TCF7L1: variants seen among roughly 807,000 people sequenced by gnomAD.
TCF7L1 encodes the protein transcription factor 7 like 1.
A neutral mutation model predicts 63.7 loss-of-function variants in TCF7L1; 18 were observed. The ratio of observed to expected loss-of-function variants is 0.28; its 90% CI spans 0.20 to 0.42. TCF7L1 has a LOEUF of 0.42. Among genes scored for constraint, TCF7L1 ranks in the 10% least tolerant of loss-of-function variants. The probability of loss-of-function intolerance (pLI) is 1.00; values close to 1 mark genes in which losing one functional copy is unlikely to be tolerated. For missense variants in TCF7L1, 654 were observed against 779.3 expected (o/e 0.84, Z 1.91); for synonymous variants, 355 against 340.9 (o/e 1.04, Z -0.46).
chr2:85,207,736 A>G (rs1291993887), intron 3 of TCF7L1, among the ~76,000 whole-genome samples: 1 of 152,056 alleles, frequency 6.6e-6, no homozygotes, highest in Non-Finnish European at 1.5e-5. Context: ...CACGTTCAGT[A>G]GAAACCGTAC....
At chr2:85,246,635 G>A (rs1025454108) in intron 3 of TCF7L1, among the ~76,000 whole-genome samples, 5 of 152,226 alleles carry the variant, frequency 3.3e-5, no homozygotes, top group Admixed American at 6.5e-5. Flanking sequence ...GCCGTTGCTC[G>A]GTGGGGGAGG....
In TCF7L1 at chr2:85,306,074, G is replaced by A; in HGVS notation, c.990-132G>A. The A allele has an allele frequency of 9.8e-7, 1 of 1,025,236 alleles. No homozygotes were observed. Among genetic ancestry groups the A allele is most frequent in the Non-Finnish European group, 1.4e-6 (1 of 691,894 alleles). The allele number at this position is 1,025,236 out of a possible 1,614,324, so 63.5% of individuals were successfully genotyped here. ...TACTCAGGTGTTGAGTGCAGCCATG[G>A]GGCCACTTGAATTAGCATCCAGGCA... On this transcript the variant is annotated intron_variant, in intron 8 of 11. Transcript: ENST00000282111. This position sits in a 1 kb window ranked among gnomAD's most constrained non-coding sequence, Gnocchi z 4.3.
intron 3 of TCF7L1, among the ~76,000 whole-genome samples, chr2:85,282,010 T>C (rs1681431460): frequency 6.6e-6 from 1 of 152,020 alleles, no homozygotes; most frequent in Non-Finnish European, 1.5e-5. Context: ...TTTTTTGAGA[T>C]AAAGTCTCAC....
In TCF7L1 at chr2:85,306,019, G is replaced by A. The variant is rs553037900; in HGVS notation, c.990-187G>A. Among the ~76,000 whole-genome samples the A allele has an allele frequency of 1.3e-5, 2 of 152,062 alleles. No individual in the cohort carries two copies. Among genetic ancestry groups the A allele is most frequent in the South Asian group, 2.1e-4 (1 of 4,820 alleles). On this transcript the variant is annotated intron_variant, in intron 8 of 11. Transcript: ENST00000282111. This position sits in a 1 kb window ranked among gnomAD's most constrained non-coding sequence, Gnocchi z 4.3. Reference sequence around the variant, plus strand: ...TTTCAAAGAATCTGGCGTGGAGATCGTTCAAAGGTGGGAAACTACGGGAGG... The same window carrying A: ...TTTCAAAGAATCTGGCGTGGAGATCATTCAAAGGTGGGAAACTACGGGAGG...
intron 3 of TCF7L1, among the ~76,000 whole-genome samples, chr2:85,206,602 G>A (rs554616499): frequency 2.0e-5 from 3 of 152,206 alleles, no homozygotes; most frequent in African/African-American, 7.2e-5. Flanking sequence ...TTGAGAGTGG[G>A]GTTTGTGCTA....
intron 3 of TCF7L1, among the ~76,000 whole-genome samples, chr2:85,198,289 G>A (rs1679201097): frequency 6.6e-6 from 1 of 152,234 alleles, no homozygotes; most frequent in Non-Finnish European, 1.5e-5. Flanking sequence ...AGGGGAGCCA[G>A]GGAACTACAT....
chr2:85,167,644 A>T (rs1678449550), intron 3 of TCF7L1, among the ~76,000 whole-genome samples: 1 of 152,192 alleles, frequency 6.6e-6, no homozygotes, highest in African/African-American at 2.4e-5. Flanking sequence ...CAGGAAGATC[A>T]CTTGAGCCCA....
At chr2:85,247,451 A>G (rs1680492301) in intron 3 of TCF7L1, among the ~76,000 whole-genome samples, 1 of 152,136 alleles carries the variant, frequency 6.6e-6, no homozygotes, top group African/African-American at 2.4e-5. Context: ...TTCCAATGAG[A>G]CCTTTTGTTT....
At chr2:85,184,070 A>G (rs1390304805) in intron 3 of TCF7L1, among the ~76,000 whole-genome samples, 1 of 152,172 alleles carries the variant, frequency 6.6e-6, no homozygotes, top group East Asian at 1.9e-4. Context: ...TCCTCTTCTC[A>G]GTGGAGTGAG....
chr2:85,308,413 C>CT (rs1682176380), intron 11 of TCF7L1, among the ~76,000 whole-genome samples: 2 of 120,222 alleles, frequency 1.7e-5, no homozygotes, highest in African/African-American at 6.5e-5. Flanking sequence ...CCCTCCCTTT[C>CT]CCCTTCCCTC....
intron 3 of TCF7L1, among the ~76,000 whole-genome samples, chr2:85,185,189 G>A (rs970326118): frequency 9.2e-5 from 14 of 152,062 alleles, no homozygotes; most frequent in African/African-American, 2.2e-4. Context: ...GATAAGTGAC[G>A]TAATAACCAG....
At chr2:85,203,876 C>T (rs1679334540) in intron 3 of TCF7L1, among the ~76,000 whole-genome samples, 1 of 151,816 alleles carries the variant, frequency 6.6e-6, no homozygotes, top group Non-Finnish European at 1.5e-5. Flanking sequence ...GTTGAAGCAT[C>T]CTATAAAAGC....
At chr2:85,224,554 A>G (rs1275867073) in intron 3 of TCF7L1, among the ~76,000 whole-genome samples, 1 of 152,124 alleles carries the variant, frequency 6.6e-6, no homozygotes, top group East Asian at 1.9e-4. Context: ...GTATTTTTTC[A>G]TATGTCTGTT....
At chr2:85,268,125 C>T (rs1348994432) in intron 3 of TCF7L1, among the ~76,000 whole-genome samples, 2 of 152,164 alleles carry the variant, frequency 1.3e-5, no homozygotes, top group Non-Finnish European at 2.9e-5. Flanking sequence ...TATTTGATCA[C>T]TTTAGGTAAA....
At chr2:85,197,793 G>A (rs371869221) in intron 3 of TCF7L1, among the ~76,000 whole-genome samples, 36 of 152,356 alleles carry the variant, frequency 2.4e-4, no homozygotes, top group African/African-American at 8.7e-4. Context: ...TCTGCTGAGA[G>A]TTTGAGCAGC....
chr2:85,138,028 G>C (rs1677636261), intron 3 of TCF7L1, among the ~76,000 whole-genome samples: 1 of 152,128 alleles, frequency 6.6e-6, no homozygotes, highest in South Asian at 2.1e-4. Flanking sequence ...CAATGTGATA[G>C]AAAGTAATTT....
chr2:85,291,714 G>GT (rs949748728), intron 4 of TCF7L1, among the ~76,000 whole-genome samples: 12 of 152,082 alleles, frequency 7.9e-5, no homozygotes, highest in Non-Finnish European at 2.9e-5. Flanking sequence ...CCGGATTTTG[G>GT]TTTTTTGTGC....
At chr2:85,217,069 G>A (rs1679728202) in intron 3 of TCF7L1, 1 of 152,212 alleles carries the variant, frequency 6.6e-6, no homozygotes. Context: ...CTTCAATTCA[G>A]AAGGGGAATC....
intron 3 of TCF7L1, among the ~76,000 whole-genome samples, chr2:85,151,218 T>C (rs913162753): frequency 2.0e-5 from 3 of 152,224 alleles, no homozygotes; most frequent in Admixed American, 6.5e-5. Context: ...GCATTTTTCA[T>C]AGGATGTGAG....
Sources: gnomAD v4.1 joint callset for allele counts (sites outside exome capture counted in the v4.1 genomes callset) on GRCh38, gnomAD v4.1.1 for gene constraint, Gnocchi (gnomAD v3.1) non-coding constraint, MANE v1.5 for transcripts, NCBI Gene and HGNC (gene_info 2026-07-23, HGNC 2026-07-21) for gene names.